The following DPP10 variants were observed in gnomAD, a reference collection of about 807,000 sequenced individuals.
The protein encoded by DPP10 is inactive dipeptidyl peptidase 10.
DPP10 carries 33 observed loss-of-function variants against 120.9 expected under a neutral mutation model. The ratio of observed to expected loss-of-function variants is 0.27; its 90% confidence interval spans 0.21 to 0.37. The LOEUF (loss-of-function observed/expected upper bound fraction) is 0.37. Among genes scored for constraint, DPP10 ranks in the 10% least tolerant of loss-of-function variants. The probability of loss-of-function intolerance (pLI) is 1.00; values close to 1 mark genes in which losing one functional copy is unlikely to be tolerated. For synonymous variants in DPP10, 337 were observed against 326.1 expected (o/e 1.03, Z -0.36); for missense variants, 816 against 942.8 (o/e 0.87, Z 1.76).
At chr2:114,793,263 C>A (rs1229523603) in intron 1 of DPP10, among the ~76,000 whole-genome samples, 1 of 152,104 alleles carries the variant, frequency 6.6e-6, no homozygotes, top group Non-Finnish European at 1.5e-5. Flanking sequence ...CTGTCATCTA[C>A]ATTAGGTATT....
At chr2:115,172,859 C>G (rs1024143979) in intron 1 of DPP10, among the ~76,000 whole-genome samples, 4 of 152,080 alleles carry the variant, frequency 2.6e-5, no homozygotes, top group Admixed American at 2.6e-4. Flanking sequence ...TTTAAAGCAC[C>G]TTTTGTCATT....
chr2:115,573,322 G>T (rs13015650), intron 5 of DPP10, among the ~76,000 whole-genome samples: 1 of 131,718 alleles, frequency 7.6e-6, no homozygotes, highest in Admixed American at 8.1e-5. Context: ...TTGCTCTGTC[G>T]CCCAGGCTGG....
At chr2:115,411,741 TG>T (rs1358424168) in intron 3 of DPP10, among the ~76,000 whole-genome samples, 1 of 152,202 alleles carries the variant, frequency 6.6e-6, no homozygotes, top group Admixed American at 6.5e-5. Context: ...AGAAAGTTCC[TG>T]GAATGAAAAG....
chr2:115,250,435 A>T (rs1202710702), intron 1 of DPP10, among the ~76,000 whole-genome samples: 1 of 151,828 alleles, frequency 6.6e-6, no homozygotes, highest in Non-Finnish European at 1.5e-5. Context: ...ATGTGTTAAG[A>T]TGTGTGAATG....
chr2:114,495,274 A>G (rs1682414035), intron 1 of DPP10, among the ~76,000 whole-genome samples: 1 of 152,182 alleles, frequency 6.6e-6, no homozygotes, highest in Non-Finnish European at 1.5e-5. Context: ...ATTTTGCTTC[A>G]AAGTCCATTA....
At chr2:114,508,249 T>A (rs1279983786) in intron 1 of DPP10, among the ~76,000 whole-genome samples, 1 of 152,226 alleles carries the variant, frequency 6.6e-6, no homozygotes, top group Non-Finnish European at 1.5e-5. Flanking sequence ...CCTTTTGCAA[T>A]CAACTCCTCA....
chr2:115,765,653 G>A (rs1680620093), intron 12 of DPP10, among the ~76,000 whole-genome samples: 1 of 152,092 alleles, frequency 6.6e-6, no homozygotes, highest in Non-Finnish European at 1.5e-5. Flanking sequence ...AGTAAAAAAT[G>A]AGTAAGATTT....
At chr2:115,333,778 T>C (rs1300436982) in intron 2 of DPP10, among the ~76,000 whole-genome samples, 2 of 152,138 alleles carry the variant, frequency 1.3e-5, no homozygotes, top group Admixed American at 6.6e-5. Context: ...TTATAGGGTT[T>C]CTGCCGAGAG....
intron 1 of DPP10, among the ~76,000 whole-genome samples, chr2:115,048,258 G>A (rs10207029): frequency 0.018 from 2,768 of 151,788 alleles, 81 homozygotes; most frequent in African/African-American, 0.064. Flanking sequence ...ATGCCTACCA[G>A]CGGCCAAATC....
chr2:115,786,836 C>A (rs1487584657), intron 17 of DPP10, among the ~76,000 whole-genome samples: 1 of 152,050 alleles, frequency 6.6e-6, no homozygotes, highest in Non-Finnish European at 1.5e-5. Flanking sequence ...ATGAAGAAGC[C>A]ACATGGAGAA....
intron 3 of DPP10, among the ~76,000 whole-genome samples, chr2:115,491,152 C>CA (rs1031440143): frequency 2.8e-4 from 43 of 152,060 alleles, no homozygotes; most frequent in Admixed American, 5.9e-4. Context: ...AAACCTCCCC[C>CA]AAAAAACCCA....
intron 1 of DPP10, among the ~76,000 whole-genome samples, chr2:114,696,805 C>T (rs1700094494): frequency 6.6e-6 from 1 of 151,902 alleles, no homozygotes; most frequent in Admixed American, 6.6e-5. Flanking sequence ...AGCCATATCG[C>T]TTGAAAAAAG....
At chr2:115,102,661 G>A (rs13425736) in intron 1 of DPP10, among the ~76,000 whole-genome samples, 9,422 of 151,580 alleles carry the variant, frequency 0.062, 475 homozygotes, top group East Asian at 0.17. Context: ...CACCCGCCTC[G>A]GCCTCCCAAG....
At chr2:114,613,604 C>T (rs993317766) in intron 1 of DPP10, among the ~76,000 whole-genome samples, 7 of 152,070 alleles carry the variant, frequency 4.6e-5, no homozygotes, top group African/African-American at 1.7e-4. Context: ...CCAGCAATCC[C>T]TTTACTGGGT....
chr2:114,491,257 A>T (rs1681975445), intron 1 of DPP10, among the ~76,000 whole-genome samples: 1 of 152,222 alleles, frequency 6.6e-6, no homozygotes, highest in African/African-American at 2.4e-5. Context: ...ATGAAGAAAT[A>T]AAAAATCAGA....
chr2:115,505,096 C>G (rs2076871896), intron 4 of DPP10, among the ~76,000 whole-genome samples: 1 of 152,008 alleles, frequency 6.6e-6, no homozygotes, highest in Admixed American at 6.6e-5. Flanking sequence ...GACAAAGTAT[C>G]TCAGATGGTA....
intron 5 of DPP10, among the ~76,000 whole-genome samples, chr2:115,602,336 C>A (rs1448467): frequency 0.99 from 150,504 of 152,304 alleles, 74,390 homozygotes; most frequent in East Asian, 1. Flanking sequence ...AAAAAATGCT[C>A]GAACACATTT....
chr2:115,232,358 G>A (rs1295683301), intron 1 of DPP10, among the ~76,000 whole-genome samples: 1 of 152,066 alleles, frequency 6.6e-6, no homozygotes. Context: ...CTTTGAATAT[G>A]ATACATAAAA....
chr2:115,093,371 G>C (rs996775542), intron 1 of DPP10, among the ~76,000 whole-genome samples: 2 of 151,978 alleles, frequency 1.3e-5, no homozygotes, highest in Non-Finnish European at 2.9e-5. Flanking sequence ...AATATACTTG[G>C]TGAGAAACTA....
Sources: gnomAD v4.1 joint callset for allele counts (sites outside exome capture counted in the v4.1 genomes callset) on GRCh38, gnomAD v4.1.1 for gene constraint, MANE v1.5 for transcripts, NCBI Gene and HGNC (gene_info 2026-07-23, HGNC 2026-07-21) for gene names.